The following KCNQ2 variants were observed in gnomAD, a reference collection of about 807,000 sequenced individuals.
KCNQ2 encodes the protein potassium voltage-gated channel subfamily KQT member 2.
KCNQ2 carries 14 observed loss-of-function variants against 84.8 expected under a neutral mutation model. The ratio of observed to expected loss-of-function variants is 0.17; its 90% CI spans 0.11 to 0.26. The LOEUF is 0.26. KCNQ2 is among the 10% of genes least tolerant of loss of function. The pLI is 1.00. For synonymous variants in KCNQ2, 599 were observed against 554.1 expected (o/e 1.08, Z -1.14); for missense variants, 788 against 1,254.0 (o/e 0.63, Z 5.61).
chr20:63,470,052 G>A (rs562137155), intron 1 of KCNQ2, among the ~76,000 whole-genome samples: 65 of 152,382 alleles, frequency 4.3e-4, no homozygotes, highest in African/African-American at 1.6e-3. Context: ...CTGTGCCGAC[G>A]TTACCGACGG....
Position 63,412,001 on chromosome 20 carries a change from T to C in KCNQ2, c.1763+1449A>G, listed in dbSNP as rs867068041. On this transcript the variant is annotated intron_variant, in intron 15 of 16. Transcript: ENST00000359125. ...AACAGGGAGGCTCCGTCGAAACAGG[T>C]GCTCTCCCACAGAGGGTGTGGACGC... 97 of 639,616 alleles carry C rather than the reference T, an allele frequency of 1.5e-4. No homozygotes were observed. The African/African-American group carries it at 1.6e-3, about 10-fold the overall frequency. 39.6% of individuals were successfully genotyped at this position (639,616 alleles called of 1,614,324 possible).
At chr20:63,422,514 G>A (rs928720637) in intron 11 of KCNQ2, 1 of 152,564 alleles carries the variant, frequency 6.6e-6, no homozygotes, top group Non-Finnish European at 1.5e-5. Flanking sequence ...GGGAGGGCGT[G>A]GGAGGCACAG....
At chr20:63,432,254 G>C (rs1227750646) in intron 8 of KCNQ2, among the ~76,000 whole-genome samples, 1 of 148,948 alleles carries the variant, frequency 6.7e-6, no homozygotes, top group South Asian at 2.1e-4. Flanking sequence ...CCACCCACAG[G>C]GAAGGCCCCA....
chr20:63,457,116 G>T (rs950548068), intron 1 of KCNQ2, among the ~76,000 whole-genome samples: 5 of 152,374 alleles, frequency 3.3e-5, no homozygotes, highest in Admixed American at 3.3e-4. Flanking sequence ...GCCGCTGACA[G>T]AGTCCAGGCG....
At chr20:63,433,416 G>T (rs1473081624) in intron 8 of KCNQ2, 2 of 417,942 alleles carry the variant, frequency 4.8e-6, no homozygotes, top group Non-Finnish European at 8.7e-6. Context: ...CGGGGTCATG[G>T]TACTGGTTCC....
At chr20:63,442,669 CA>C (rs2145739449) in intron 4 of KCNQ2, 138 bp from the exon 5 acceptor site, 3 of 591,838 alleles carry the variant, frequency 5.1e-6, no homozygotes, top group Middle Eastern at 4.4e-4. Context: ...CCATCACCAC[CA>C]CCACCACCAC....
At chr20:63,411,403 G>A (rs117992513) in intron 15 of KCNQ2, among the ~76,000 whole-genome samples, 6,790 of 152,310 alleles carry the variant, frequency 0.045, 241 homozygotes, top group Admixed American at 0.11. Flanking sequence ...GGAGGGGCCT[G>A]TCCAGGGGGC....
chr20:63,432,849 G>A (rs188348163), intron 8 of KCNQ2, among the ~76,000 whole-genome samples: 287 of 150,398 alleles, frequency 1.9e-3, no homozygotes, highest in African/African-American at 6.7e-3. Context: ...CACCCCCAGG[G>A]AAGGATCCAC....
intron 1 of KCNQ2, among the ~76,000 whole-genome samples, chr20:63,456,120 C>T (rs1375795387): frequency 1.5e-5 from 2 of 132,820 alleles, no homozygotes; most frequent in African/African-American, 5.9e-5. Flanking sequence ...CCCCCACCTC[C>T]GGGAGGCCCC....
chr20:63,453,889 G>T (rs115849978), intron 1 of KCNQ2, among the ~76,000 whole-genome samples: 146 of 152,196 alleles, frequency 9.6e-4, no homozygotes, highest in African/African-American at 3.4e-3. Flanking sequence ...TGGGGACAAC[G>T]ACAGCCCCAC....
intron 1 of KCNQ2, among the ~76,000 whole-genome samples, chr20:63,463,469 T>C (rs2082006895): frequency 6.6e-6 from 1 of 151,934 alleles, no homozygotes; most frequent in African/African-American, 2.4e-5. Context: ...TGACAAACTT[T>C]AAAGTCCCAC....
rs1486591438 is a variant in KCNQ2 at position 63,419,643 on chromosome 20, C to T, written c.1277G>A (p.Cys426Tyr). 6.2e-7 allele frequency: 1 copy of T among 1,611,722 alleles called. No homozygotes were observed. Among genetic ancestry groups the T allele is most frequent in the African/African-American group, 1.3e-5 (1 of 75,078 alleles). ...CCTAGAGCGTCCGGGGCAGCATCCACACAGGGGCCCTCTGCACGGGCTGCC... is the reference window on the plus strand; with the variant it reads ...CCTAGAGCGTCCGGGGCAGCATCCATACAGGGGCCCTCTGCACGGGCTGCC... ...SKGSPCRGPL[C>Y]GCCPGRSSQK... Residue 426 changes from cysteine (C) to tyrosine (Y), a missense_variant, in exon 12 of 17, where the codon TGT becomes TAT. Cys to Tyr is a radical substitution (Grantham distance 194, BLOSUM62 -2). This residue lies in a region of KCNQ2 where 202 missense variants were observed against 239.4 expected (regional missense o/e 0.84). Coordinates refer to ENST00000359125, the MANE Select transcript of KCNQ2 (RefSeq NM_172107.4).
intron 11 of KCNQ2, among the ~76,000 whole-genome samples, chr20:63,422,962 T>C (rs1323410487): frequency 1.3e-5 from 2 of 152,066 alleles, no homozygotes; most frequent in Non-Finnish European, 2.9e-5. Context: ...AGGGTGCCCA[T>C]TGTGGGGGGC....
intron 12 of KCNQ2, among the ~76,000 whole-genome samples, chr20:63,417,807 A>G (rs2080341495): frequency 6.6e-6 from 1 of 152,178 alleles, no homozygotes; most frequent in Admixed American, 6.5e-5. Context: ...CACGACAAGG[A>G]GCCACAGCCC....
At chr20:63,427,707 C>T (rs1163472286) in intron 10 of KCNQ2, among the ~76,000 whole-genome samples, 1 of 152,224 alleles carries the variant, frequency 6.6e-6, no homozygotes, top group Non-Finnish European at 1.5e-5. Flanking sequence ...CTTGTAAGGA[C>T]ACTCGTTGTT....
intron 7 of KCNQ2, chr20:63,434,773 C>T (rs1427502496): frequency 6.6e-6 from 1 of 152,276 alleles, no homozygotes; most frequent in Non-Finnish European, 1.5e-5. Context: ...TAGCAAGGGG[C>T]AGCGCCCGCT....
At chr20:63,429,198 C>T (rs949312638) in intron 9 of KCNQ2, among the ~76,000 whole-genome samples, 1 of 151,390 alleles carries the variant, frequency 6.6e-6, no homozygotes, top group Non-Finnish European at 1.5e-5. Flanking sequence ...TCTGCCCACT[C>T]CTCCTCACCA....
At chr20:63,448,302 A>G (rs1388328573) in intron 1 of KCNQ2, 1 of 152,312 alleles carries the variant, frequency 6.6e-6, no homozygotes, top group East Asian at 1.9e-4. Context: ...GCCATAAAGG[A>G]GGCCATGCGT....
intron 1 of KCNQ2, among the ~76,000 whole-genome samples, chr20:63,450,131 G>C (rs1241090212): frequency 2.4e-5 from 1 of 40,850 alleles, no homozygotes; most frequent in East Asian, 6.9e-4. Context: ...GCCTCACCCC[G>C]TCCCTCACTT....
Sources: allele counts gnomAD v4.1 joint callset (sites outside exome capture counted in the v4.1 genomes callset), GRCh38; gene constraint gnomAD v4.1.1; regional missense constraint gnomAD v4.1.1; transcripts MANE v1.5; gene names NCBI Gene and HGNC (gene_info 2026-07-23, HGNC 2026-07-21).